ELAVL4: variants seen among roughly 807,000 people sequenced by gnomAD.
The protein encoded by ELAVL4 is ELAV-like protein 4.
Under a neutral mutation model 35.6 loss-of-function variants are expected in ELAVL4, and 1 was observed. The ratio of observed to expected loss-of-function variants is 0.03; its 90% CI spans 0.01 to 0.13. The LOEUF (loss-of-function observed/expected upper bound fraction) is 0.13. Ranked by LOEUF, ELAVL4 falls within the 10% of genes least tolerant of loss-of-function variation. The pLI, the probability that ELAVL4 is intolerant of heterozygous loss-of-function variation, is 1.00. For synonymous variants in ELAVL4, 156 were observed against 171.0 expected (o/e 0.91, Z 0.69); for missense variants, 267 against 464.9 (o/e 0.57, Z 3.91).
At chr1:50,154,932 G>A (rs1024622296) in intron 2 of ELAVL4, among the ~76,000 whole-genome samples, 2 of 151,984 alleles carry the variant, frequency 1.3e-5, no homozygotes, top group African/African-American at 4.8e-5. Flanking sequence ...GAAGGAAATG[G>A]ATATAGAATG....
chr1:50,119,265 CTG>C (rs1343244965), intron 1 of ELAVL4, among the ~76,000 whole-genome samples: 2 of 152,062 alleles, frequency 1.3e-5, no homozygotes, highest in South Asian at 2.1e-4. Context: ...GGTTTTTAGA[CTG>C]TGTTTGTATG....
At chr1:50,155,611 T>A (rs1265362230) in intron 2 of ELAVL4, among the ~76,000 whole-genome samples, 1 of 152,156 alleles carries the variant, frequency 6.6e-6, no homozygotes, top group African/African-American at 2.4e-5. Flanking sequence ...GAAGCAGGCC[T>A]TCCTTGCCTG....
intron 1 of ELAVL4, among the ~76,000 whole-genome samples, chr1:50,053,523 A>T (rs115971498): frequency 1.7e-3 from 251 of 152,074 alleles, no homozygotes; most frequent in African/African-American, 4.8e-3. Flanking sequence ...TAATTTTTGC[A>T]TTTTTTTGTA....
intron 2 of ELAVL4, among the ~76,000 whole-genome samples, chr1:50,156,159 C>T (rs1675705492): frequency 6.6e-6 from 1 of 152,206 alleles, no homozygotes; most frequent in Non-Finnish European, 1.5e-5. Flanking sequence ...ATCAGACTAA[C>T]CAGAATTGAG....
At chr1:50,165,888 C>T (rs143922935) in intron 2 of ELAVL4, among the ~76,000 whole-genome samples, 59 of 151,690 alleles carry the variant, frequency 3.9e-4, no homozygotes, top group African/African-American at 1.4e-3. Context: ...CACAAGGTCC[C>T]GCAATCGGTT....
intron 1 of ELAVL4, among the ~76,000 whole-genome samples, chr1:50,129,622 A>G (rs1016160765): frequency 1.9e-4 from 29 of 151,986 alleles, no homozygotes; most frequent in African/African-American, 6.8e-4. Context: ...CCCCTTTGCT[A>G]TGTGTTTACT....
At chr1:50,067,893 T>A (rs958507221) in intron 1 of ELAVL4, among the ~76,000 whole-genome samples, 29 of 152,102 alleles carry the variant, frequency 1.9e-4, no homozygotes, top group Non-Finnish European at 2.9e-5. Flanking sequence ...GAAAAGCCCC[T>A]TATAAAACCA....
At position 50,195,487 on chromosome 1, in the gene ELAVL4, G is replaced by A. The variant is rs1038477600; in HGVS notation, c.509-74G>A. ...CTTACTCCTCACACAATATCCACAG[G>A]ACCCATCTCTTCCCAAAGATGTTTA... On this transcript the variant is annotated intron_variant, in intron 4 of 6. Coordinates refer to ENST00000371824, the MANE Select transcript of ELAVL4 (RefSeq NM_001144774.3). The A allele has an allele frequency of 3.3e-6, 5 of 1,525,038 alleles. No homozygotes were observed. In the African/African-American group the frequency reaches 4.1e-5, roughly 13 times the overall value. The allele number at this position is 1,525,038 out of a possible 1,614,324, so 94.5% of individuals were successfully genotyped here. A position where few individuals can be genotyped will look rare whatever the true frequency, so the allele number is the denominator to read the frequency against.
chr1:50,080,213 G>C (rs1480193107), intron 1 of ELAVL4, among the ~76,000 whole-genome samples: 1 of 152,152 alleles, frequency 6.6e-6, no homozygotes, highest in Non-Finnish European at 1.5e-5. Flanking sequence ...ATCAGTACTG[G>C]CACTAGCATT....
In ELAVL4 at chr1:50,159,245, T is replaced by A. The variant is rs568740944; in HGVS notation, c.250+14048T>A. 8.5e-5 allele frequency among the ~76,000 whole-genome samples: 13 copies of A among 152,298 alleles called. No homozygotes were observed. In the South Asian group the frequency reaches 2.3e-3, roughly 27 times the overall value. ...AAAAATCTTTTCCAAAGGCGCTTAA[T>A]TGATAATGTTTTTTAAAAGGGGTTC... On this transcript the variant is annotated intron_variant, in intron 2 of 6. Transcript: ENST00000371824.
At chr1:50,186,465 C>T (rs906428852) in intron 3 of ELAVL4, among the ~76,000 whole-genome samples, 8 of 152,230 alleles carry the variant, frequency 5.3e-5, no homozygotes, top group African/African-American at 1.9e-4. Flanking sequence ...GTAAGTGTAA[C>T]TATTGCCACT....
chr1:50,121,367 C>T (rs1233534343), intron 1 of ELAVL4, among the ~76,000 whole-genome samples: 1 of 151,782 alleles, frequency 6.6e-6, no homozygotes, highest in African/African-American at 2.4e-5. Context: ...CTAGTTTTAC[C>T]TATGGATAGT....
upstream of ELAVL4, among the ~76,000 whole-genome samples, chr1:50,107,991 G>A (rs1038458065): frequency 4.6e-5 from 7 of 152,278 alleles, no homozygotes; most frequent in South Asian, 1.4e-3. Context: ...CACTTATTTA[G>A]TTAAGCAAAA....
upstream of ELAVL4, among the ~76,000 whole-genome samples, chr1:50,107,259 T>C (rs975667499): frequency 2.0e-5 from 3 of 152,248 alleles, no homozygotes; most frequent in Non-Finnish European, 2.9e-5. Flanking sequence ...GAAATTACTT[T>C]AAAAGTTTAC....
At chr1:50,188,345 G>A (rs1256137023) in intron 3 of ELAVL4, among the ~76,000 whole-genome samples, 1 of 152,132 alleles carries the variant, frequency 6.6e-6, no homozygotes, top group Non-Finnish European at 1.5e-5. Flanking sequence ...ATGAACCACA[G>A]TTATAGAAAT....
In ELAVL4 at chr1:50,170,047, T is replaced by C. The variant is rs567924562; in HGVS notation, c.251-7042T>C. 2.6e-5 allele frequency among the ~76,000 whole-genome samples: 4 copies of C among 152,310 alleles called. No homozygotes were observed. The South Asian group carries it at 8.3e-4, about 32-fold the overall frequency. ...ATGTGGGATTTGTGTGCATGTTAAATATTATATGCTCCAATGTAAAAGAAA... is the reference window on the plus strand; with the variant it reads ...ATGTGGGATTTGTGTGCATGTTAAACATTATATGCTCCAATGTAAAAGAAA... On this transcript the variant is annotated intron_variant, in intron 2 of 6. Transcript: ENST00000371824.
intron 1 of ELAVL4, among the ~76,000 whole-genome samples, chr1:50,080,900 T>C (rs2148495858): frequency 6.6e-6 from 1 of 152,346 alleles, no homozygotes; most frequent in East Asian, 1.9e-4. Context: ...AGAAGTTATA[T>C]GCAAAGCCTT....
At chr1:50,105,662 A>C (rs571447031), upstream of ELAVL4, 1 of 152,372 alleles carries the variant, frequency 6.6e-6, no homozygotes, top group South Asian at 2.1e-4. Flanking sequence ...GAGTAGTTTA[A>C]ACACCAGCCA....
chr1:50,091,071 C>A (rs1303275999), intron 1 of ELAVL4, among the ~76,000 whole-genome samples: 1 of 152,164 alleles, frequency 6.6e-6, no homozygotes, highest in African/African-American at 2.4e-5. Context: ...CTTTGAGGTT[C>A]TCTGATTCAG....
Sources: gnomAD v4.1 joint callset for allele counts (sites outside exome capture counted in the v4.1 genomes callset) on GRCh38, gnomAD v4.1.1 for gene constraint, MANE v1.5 for transcripts, NCBI Gene and HGNC (gene_info 2026-07-23, HGNC 2026-07-21) for gene names.